The following RHOBTB1 variants were observed in gnomAD, a reference collection of about 807,000 sequenced individuals.
The protein encoded by RHOBTB1 is Rho related BTB domain containing 1.
In RHOBTB1, 40 loss-of-function variants were observed where a neutral mutation model predicts 71.6. That is an observed-to-expected ratio of 0.56 (90% CI 0.43 to 0.73). The LOEUF is 0.73. Among genes scored for constraint, RHOBTB1 ranks in the 30% least tolerant of loss-of-function variants. RHOBTB1 has a pLI of 0.00. For missense variants in RHOBTB1, 797 were observed against 894.0 expected, an observed-to-expected ratio of 0.89 and a Z score of 1.38; for synonymous variants, 319 against 334.9, an observed-to-expected ratio of 0.95 and a Z score of 0.52.
chr10:60,985,513 G>T (rs2086633216), intron 2 of RHOBTB1, among the ~76,000 whole-genome samples: 3 of 152,184 alleles, frequency 2.0e-5, no homozygotes, highest in Admixed American at 2.0e-4. Flanking sequence ...GAGTCCACAT[G>T]TCAATTTCCT....
intron 2 of RHOBTB1, among the ~76,000 whole-genome samples, chr10:60,951,557 C>G (rs1246442305): frequency 1.3e-5 from 2 of 152,184 alleles, no homozygotes; most frequent in Non-Finnish European, 1.5e-5. Flanking sequence ...ACTTCAGGGT[C>G]AGCATCGAAG....
chr10:60,885,262 A>G (rs1182364436), intron 7 of RHOBTB1, among the ~76,000 whole-genome samples: 3 of 152,194 alleles, frequency 2.0e-5, no homozygotes, highest in Non-Finnish European at 4.4e-5. Context: ...GTATATGTAT[A>G]TTGAAACATC....
chr10:60,869,174 C>A (rs141897322), downstream of RHOBTB1, among the ~76,000 whole-genome samples: 1 of 152,244 alleles, frequency 6.6e-6, no homozygotes, highest in Non-Finnish European at 1.5e-5. Flanking sequence ...TCCCCCAACC[C>A]GCTCTCTGGC....
upstream of RHOBTB1, among the ~76,000 whole-genome samples, chr10:60,945,516 A>G (rs2085187474): frequency 6.6e-6 from 1 of 152,164 alleles, no homozygotes; most frequent in African/African-American, 2.4e-5. Context: ...TTGGTCCCTC[A>G]GTTTCTTCCA....
At chr10:61,001,174 G>A (rs911240401) in intron 1 of RHOBTB1, among the ~76,000 whole-genome samples, 3 of 152,136 alleles carry the variant, frequency 2.0e-5, no homozygotes, top group African/African-American at 7.2e-5. Flanking sequence ...GGGGCCCTGT[G>A]CTTTGTCAGA....
At chr10:60,933,367 T>C (rs1177541858) in intron 2 of RHOBTB1, among the ~76,000 whole-genome samples, 3 of 152,172 alleles carry the variant, frequency 2.0e-5, no homozygotes, top group Admixed American at 2.0e-4. Flanking sequence ...ATAACTTTCA[T>C]CCAATTTTAA....
chr10:60,915,712 A>G (rs914874012), intron 2 of RHOBTB1, among the ~76,000 whole-genome samples: 1 of 152,190 alleles, frequency 6.6e-6, no homozygotes, highest in Non-Finnish European at 1.5e-5. Context: ...AAGCGTGATC[A>G]TGCTCTTCAT....
At chr10:60,983,442 A>C (rs1435517846) in intron 2 of RHOBTB1, among the ~76,000 whole-genome samples, 1 of 152,248 alleles carries the variant, frequency 6.6e-6, no homozygotes, top group Non-Finnish European at 1.5e-5. Context: ...TGAGAACAAA[A>C]GCACATTATT....
In RHOBTB1 at chr10:60,888,581, C is replaced by T. The variant is rs769612708; in HGVS notation, c.1087G>A (p.Gly363Ser). The T allele has an allele frequency of 6.2e-7, 1 of 1,614,166 alleles. No individual in the cohort carries two copies. ...LVEALGLEAE[G>S]AVPETQTLTG... ...AAAGTCTGTGTCTCAGGAACTGCAC[C>T]CTCGGCTTCCAGCCCCAGAGCCTCC... is the stretch of plus-strand genomic sequence containing the variant. The change falls in exon 6 of 11, where the codon GGT becomes AGT. Residue 363 changes from glycine to serine, a missense_variant. Physicochemically the swap from Gly to Ser is moderately conservative, Grantham distance 56. Around this residue, in one of 2 missense-constraint regions of RHOBTB1, gnomAD observed 658 missense variants for 681.5 expected, o/e 0.97. Coordinates refer to ENST00000337910, the MANE Select transcript of RHOBTB1 (RefSeq NM_014836.5).
At chr10:60,892,676 G>A (rs1446790060) in intron 5 of RHOBTB1, 134 bp downstream of exon 5, 1 of 686,492 alleles carries the variant, frequency 1.5e-6, no homozygotes, top group South Asian at 2.7e-5. Flanking sequence ...ATGATTTATG[G>A]GCTGACTTAA....
intron 5 of RHOBTB1, among the ~76,000 whole-genome samples, chr10:60,890,779 G>A (rs2132701576): frequency 6.6e-6 from 1 of 152,320 alleles, no homozygotes. Context: ...TGTTGACAAA[G>A]GTGGAAGGGA....
chr10:60,872,722 G>A (rs1343233695), intron 9 of RHOBTB1, among the ~76,000 whole-genome samples: 1 of 152,122 alleles, frequency 6.6e-6, no homozygotes, highest in Non-Finnish European at 1.5e-5. Flanking sequence ...GCCAAGATCC[G>A]AAAGAGGAGA....
At chr10:60,916,090 T>C (rs2083257656) in intron 2 of RHOBTB1, among the ~76,000 whole-genome samples, 1 of 152,124 alleles carries the variant, frequency 6.6e-6, no homozygotes, top group Admixed American at 6.5e-5. Context: ...GGAGGTGAAA[T>C]CTATTTCCCT....
At chr10:60,995,370 T>C (rs137913642) in intron 1 of RHOBTB1, among the ~76,000 whole-genome samples, 11 of 152,188 alleles carry the variant, frequency 7.2e-5, no homozygotes, top group East Asian at 3.9e-4. Flanking sequence ...CCATCAGAGA[T>C]TGGAACCTAA....
At chr10:60,869,223 C>T (rs1325500598), downstream of RHOBTB1, among the ~76,000 whole-genome samples, 1 of 152,162 alleles carries the variant, frequency 6.6e-6, no homozygotes, top group African/African-American at 2.4e-5. Context: ...CTGTATTAGC[C>T]AAGAGCAAAG....
intron 9 of RHOBTB1, among the ~76,000 whole-genome samples, 184 bp from the exon 10 acceptor site, chr10:60,872,474 T>C (rs1182234286): frequency 6.6e-6 from 1 of 152,218 alleles, no homozygotes; most frequent in Non-Finnish European, 1.5e-5. Context: ...AATGTAGTGC[T>C]GGGCACACCC....
intron 6 of RHOBTB1, 67 bp downstream of exon 6, chr10:60,888,144 CA>C (rs1344548009): frequency 6.6e-7 from 1 of 1,520,604 alleles, no homozygotes; most frequent in Non-Finnish European, 8.9e-7. Flanking sequence ...TTCTCCTGCT[CA>C]TGTCTGGCTA....
At position 60,965,514 on chromosome 10, in the gene RHOBTB1, G is replaced by A. The variant is rs993739854; in HGVS notation, c.-62+20331C>T. Among the ~76,000 whole-genome samples, 4 of 152,106 alleles carry A rather than the reference G, an allele frequency of 2.6e-5. No homozygotes were observed. The East Asian group carries it at 5.8e-4, about 22-fold the overall frequency. The stretch of plus-strand genomic sequence containing the variant: ...GTGTGCCTAGCATGGTGCCTGGCAT[G>A]TAGTAGGTGTTCAATACATATTTGT... On this transcript the variant is annotated intron_variant, in intron 2 of 11. Transcript: ENST00000357917.
intron 5 of RHOBTB1, among the ~76,000 whole-genome samples, chr10:60,890,329 C>A (rs189965863): frequency 2.0e-5 from 3 of 152,206 alleles, no homozygotes. Flanking sequence ...ACAGTCCTCA[C>A]TGCTGCAAGA....
Sources: allele counts gnomAD v4.1 joint callset (sites outside exome capture counted in the v4.1 genomes callset), GRCh38; gene constraint gnomAD v4.1.1; regional missense constraint gnomAD v4.1.1; transcripts MANE v1.5; gene names NCBI Gene and HGNC (gene_info 2026-07-23, HGNC 2026-07-21).